PAK5: variants seen among roughly 807,000 people sequenced by gnomAD.
PAK5 encodes serine/threonine-protein kinase PAK 5.
Under a neutral mutation model 65.9 loss-of-function variants are expected in PAK5, and 16 were observed. The ratio of observed to expected loss-of-function variants is 0.24; its 90% CI spans 0.16 to 0.37. PAK5 has a LOEUF of 0.37. Among genes scored for constraint, PAK5 ranks in the 10% least tolerant of loss-of-function variants. The probability of loss-of-function intolerance (pLI) is 1.00; values close to 1 mark genes in which losing one functional copy is unlikely to be tolerated. For synonymous variants in PAK5, 371 were observed against 354.9 expected (o/e 1.05, Z -0.51); for missense variants, 785 against 903.9 (o/e 0.87, Z 1.69).
intron 2 of PAK5, among the ~76,000 whole-genome samples, chr20:9,685,131 C>T (rs952847097): frequency 3.9e-5 from 6 of 152,210 alleles, no homozygotes; most frequent in Admixed American, 3.9e-4. Flanking sequence ...GCTTGTGACA[C>T]ATGTTCTCTA....
chr20:9,570,869 C>T (rs999224287), intron 4 of PAK5, among the ~76,000 whole-genome samples: 1 of 152,210 alleles, frequency 6.6e-6, no homozygotes, highest in African/African-American at 2.4e-5. Flanking sequence ...TCTTCCTTAT[C>T]ACCTGTCAGC....
chr20:9,802,305 G>A (rs528251533), intron 1 of PAK5, among the ~76,000 whole-genome samples: 2 of 152,222 alleles, frequency 1.3e-5, no homozygotes, highest in South Asian at 2.1e-4. Context: ...ACAATGGCTG[G>A]AGGTCTTAAT....
intron 3 of PAK5, among the ~76,000 whole-genome samples, chr20:9,626,720 T>G (rs1023046642): frequency 6.6e-6 from 1 of 151,986 alleles, no homozygotes; most frequent in East Asian, 1.9e-4. Context: ...GTATTTGTTG[T>G]TATGCCATAC....
intron 2 of PAK5, among the ~76,000 whole-genome samples, chr20:9,662,513 C>T (rs1409533173): frequency 1.3e-5 from 2 of 152,058 alleles, no homozygotes; most frequent in Non-Finnish European, 2.9e-5. Flanking sequence ...AGCATGTGCA[C>T]AGAAGTGAAA....
intron 3 of PAK5, among the ~76,000 whole-genome samples, chr20:9,588,908 C>T (rs1397464421): frequency 6.6e-6 from 1 of 152,180 alleles, no homozygotes; most frequent in Non-Finnish European, 1.5e-5. Flanking sequence ...TTTCATAGTG[C>T]TCCTTCCATG....
chr20:9,542,160 A>G (rs2045275401), intron 9 of PAK5, among the ~76,000 whole-genome samples: 1 of 152,084 alleles, frequency 6.6e-6, no homozygotes, highest in East Asian at 1.9e-4. Flanking sequence ...TATTTTATTT[A>G]TTTGTTTGTT....
At chr20:9,568,418 A>C (rs2045719675) in intron 4 of PAK5, among the ~76,000 whole-genome samples, 1 of 152,170 alleles carries the variant, frequency 6.6e-6, no homozygotes, top group African/African-American at 2.4e-5. Context: ...TTTTGGCCTA[A>C]GCAACAGGCC....
chr20:9,593,848 C>T (rs2046217995), intron 3 of PAK5, among the ~76,000 whole-genome samples: 1 of 152,130 alleles, frequency 6.6e-6, no homozygotes, highest in Non-Finnish European at 1.5e-5. Context: ...CTCTCTCTCC[C>T]CCTCCTTATC....
intron 2 of PAK5, among the ~76,000 whole-genome samples, chr20:9,698,997 C>T (rs1401866731): frequency 2.6e-5 from 4 of 152,020 alleles, no homozygotes; most frequent in Non-Finnish European, 5.9e-5. Context: ...GAGTTATTTC[C>T]ATGTTTTCTA....
chr20:9,795,027 T>C (rs970118500), intron 1 of PAK5, among the ~76,000 whole-genome samples: 10 of 152,072 alleles, frequency 6.6e-5, no homozygotes, highest in Non-Finnish European at 1.3e-4. Context: ...GTTTTGCCCT[T>C]CTGGATCCAA....
intron 3 of PAK5, among the ~76,000 whole-genome samples, chr20:9,583,772 C>T (rs557052637): frequency 1.9e-4 from 29 of 152,330 alleles, no homozygotes; most frequent in African/African-American, 6.7e-4. Context: ...TGAGTTTCCT[C>T]TAGTCAAACA....
In PAK5 at chr20:9,811,829, C is replaced by T. The variant is rs372584383; in HGVS notation, c.-162+26933G>A. ...TATGCTCCTTCTAACCATTCTACAT[C>T]CCTTCTGCAAACCACACCCTCCAAA... On this transcript the variant is annotated intron_variant, in intron 1 of 9. Coordinates refer to ENST00000353224, the MANE Select transcript of PAK5 (RefSeq NM_177990.4). Among the ~76,000 whole-genome samples the T allele has an allele frequency of 3.7e-4, 56 of 152,256 alleles. 1 individual carries two copies. The South Asian group carries it at 0.012, about 32-fold the overall frequency.
At chr20:9,558,238 C>T (rs4816148) in intron 6 of PAK5, among the ~76,000 whole-genome samples, 12,640 of 151,648 alleles carry the variant, frequency 0.083, 717 homozygotes, top group East Asian at 0.3. Flanking sequence ...CAGCCTCCCA[C>T]GTAGCTGGGA....
chr20:9,610,941 T>C (rs1468074009), intron 3 of PAK5, among the ~76,000 whole-genome samples: 2 of 152,212 alleles, frequency 1.3e-5, no homozygotes, highest in African/African-American at 2.4e-5. Flanking sequence ...TTGCCCCTTT[T>C]GGCCTTTTTG....
chr20:9,552,781 G>GTA (rs896424092), intron 7 of PAK5, among the ~76,000 whole-genome samples: 8 of 151,218 alleles, frequency 5.3e-5, no homozygotes, highest in African/African-American at 1.9e-4. Flanking sequence ...GAGTGTAGTG[G>GTA]TATGATCTTG....
At chr20:9,782,256 T>A (rs573113587) in intron 1 of PAK5, among the ~76,000 whole-genome samples, 1 of 152,274 alleles carries the variant, frequency 6.6e-6, no homozygotes, top group African/African-American at 2.4e-5. Flanking sequence ...TTGAATCTCA[T>A]GTCCTTAATA....
At chr20:9,574,210 G>A (rs1241368886) in intron 4 of PAK5, among the ~76,000 whole-genome samples, 5 of 152,262 alleles carry the variant, frequency 3.3e-5, no homozygotes, top group Admixed American at 3.3e-4. Flanking sequence ...TGTCTCTCTG[G>A]TTGTGCCCTG....
At chr20:9,777,606 A>G (rs1224752199) in intron 1 of PAK5, among the ~76,000 whole-genome samples, 1 of 152,242 alleles carries the variant, frequency 6.6e-6, no homozygotes, top group Non-Finnish European at 1.5e-5. Context: ...GAAGAGACTT[A>G]TACAACTACC....
chr20:9,762,400 T>A (rs1284705055), intron 1 of PAK5, among the ~76,000 whole-genome samples: 1 of 152,136 alleles, frequency 6.6e-6, no homozygotes, highest in African/African-American at 2.4e-5. Flanking sequence ...TATAACAAAC[T>A]CATACAACTC....
Sources: allele counts gnomAD v4.1 joint callset (sites outside exome capture counted in the v4.1 genomes callset), GRCh38; gene constraint gnomAD v4.1.1; transcripts MANE v1.5; gene names NCBI Gene and HGNC (gene_info 2026-07-23, HGNC 2026-07-21).